SPAG16: variants seen among roughly 807,000 people sequenced by gnomAD.
The protein encoded by SPAG16 is sperm associated antigen 16.
Under a neutral mutation model 80.4 loss-of-function variants are expected in SPAG16, and 86 were observed. The observed-to-expected ratio is 1.07, with a 90% confidence interval of 0.90 to 1.28. The LOEUF (loss-of-function observed/expected upper bound fraction) is 1.28. Among genes scored for constraint, SPAG16 ranks in the 50% most tolerant of loss-of-function variants. The pLI, the probability that SPAG16 is intolerant of heterozygous loss-of-function variation, is 0.00. For missense variants in SPAG16, 870 were observed against 765.3 expected, an observed-to-expected ratio of 1.14 and a Z score of -1.61; for synonymous variants, 294 against 265.9, an observed-to-expected ratio of 1.11 and a Z score of -1.03.
At chr2:213,342,350 GTA>G (rs1238701566) in intron 6 of SPAG16, among the ~76,000 whole-genome samples, 1,531 of 44,356 alleles carry the variant, frequency 0.035, 38 homozygotes, top group African/African-American at 0.088. Context: ...TTACATATAT[GTA>G]TATATATATT....
chr2:213,809,304 C>T (rs2071971158), intron 10 of SPAG16, among the ~76,000 whole-genome samples: 1 of 152,006 alleles, frequency 6.6e-6, no homozygotes, highest in Admixed American at 6.6e-5. Flanking sequence ...TCTGATTCAC[C>T]CTGGCTAAGA....
At chr2:213,845,343 A>G (rs1030096740) in intron 10 of SPAG16, among the ~76,000 whole-genome samples, 1 of 151,878 alleles carries the variant, frequency 6.6e-6, no homozygotes, top group Admixed American at 6.6e-5. Flanking sequence ...GACTGCAGGC[A>G]TCCGCTACCA....
At chr2:214,207,917 T>TA (rs2125738140) in intron 15 of SPAG16, among the ~76,000 whole-genome samples, 1 of 152,358 alleles carries the variant, frequency 6.6e-6, no homozygotes, top group East Asian at 1.9e-4. Flanking sequence ...CTCTTGGACT[T>TA]ACACTAGTGG....
At chr2:214,219,414 T>C (rs771601707) in intron 15 of SPAG16, among the ~76,000 whole-genome samples, 3 of 152,074 alleles carry the variant, frequency 2.0e-5, no homozygotes, top group Non-Finnish European at 4.4e-5. Flanking sequence ...TAGAAACAAC[T>C]TATCAAATAG....
At chr2:213,384,551 A>G (rs1314331116) in intron 9 of SPAG16, among the ~76,000 whole-genome samples, 2 of 152,082 alleles carry the variant, frequency 1.3e-5, no homozygotes, top group African/African-American at 2.4e-5. Flanking sequence ...CAGTTTCACA[A>G]TGTCTGGGTC....
At chr2:213,916,238 T>C (rs2077960365) in intron 11 of SPAG16, among the ~76,000 whole-genome samples, 1 of 152,230 alleles carries the variant, frequency 6.6e-6, no homozygotes, top group African/African-American at 2.4e-5. Context: ...AGGGTTTTTA[T>C]GGTTTTAGGT....
intron 10 of SPAG16, among the ~76,000 whole-genome samples, chr2:213,821,764 T>G (rs1317328011): frequency 1.3e-5 from 2 of 152,180 alleles, no homozygotes; most frequent in African/African-American, 4.8e-5. Flanking sequence ...AGAGTTCAAT[T>G]ATTTTAACTT....
chr2:213,624,894 G>T (rs962969682), intron 10 of SPAG16, among the ~76,000 whole-genome samples: 1 of 152,070 alleles, frequency 6.6e-6, no homozygotes, highest in Admixed American at 6.6e-5. Context: ...AAGTTCAAGC[G>T]ATTCTACTGC....
chr2:214,020,433 T>C (rs1372429210), intron 13 of SPAG16, among the ~76,000 whole-genome samples: 3 of 152,184 alleles, frequency 2.0e-5, no homozygotes, highest in Non-Finnish European at 4.4e-5. Flanking sequence ...TTTTATAGCC[T>C]CTAATTTTGT....
intron 15 of SPAG16, among the ~76,000 whole-genome samples, chr2:214,286,873 T>A (rs1043340130): frequency 1.3e-5 from 2 of 152,248 alleles, no homozygotes; most frequent in Non-Finnish European, 2.9e-5. Flanking sequence ...CATAGTAGGC[T>A]AATGATGGAT....
intron 10 of SPAG16, among the ~76,000 whole-genome samples, chr2:213,696,529 A>G (rs535298652): frequency 6.6e-6 from 1 of 152,306 alleles, no homozygotes; most frequent in South Asian, 2.1e-4. Flanking sequence ...AAGAGGAACC[A>G]ACAAAAGAGA....
intron 15 of SPAG16, among the ~76,000 whole-genome samples, chr2:214,248,298 AT>A (rs1389743950): frequency 3.1e-5 from 3 of 97,742 alleles, no homozygotes; most frequent in Non-Finnish European, 6.5e-5. Context: ...TATTATTATT[AT>A]TATTATTATT....
chr2:213,715,378 C>T (rs2066195385), intron 10 of SPAG16, among the ~76,000 whole-genome samples: 1 of 152,048 alleles, frequency 6.6e-6, no homozygotes, highest in African/African-American at 2.4e-5. Context: ...TAAAGTACAT[C>T]ATAAAATATC....
intron 10 of SPAG16, among the ~76,000 whole-genome samples, chr2:213,634,413 G>C (rs1017042926): frequency 1.3e-5 from 2 of 151,780 alleles, no homozygotes; most frequent in Admixed American, 1.3e-4. Context: ...TTTTTTATTG[G>C]TTCATTGTTT....
At chr2:214,064,029 C>G (rs1374899755) in intron 13 of SPAG16, among the ~76,000 whole-genome samples, 1 of 152,078 alleles carries the variant, frequency 6.6e-6, no homozygotes, top group Non-Finnish European at 1.5e-5. Flanking sequence ...ATTCCAACAA[C>G]CTAGAGTCAT....
At chr2:214,117,036 G>A (rs1353721139) in intron 14 of SPAG16, among the ~76,000 whole-genome samples, 2 of 152,154 alleles carry the variant, frequency 1.3e-5, no homozygotes, top group Non-Finnish European at 2.9e-5. Flanking sequence ...TGATTTTAAA[G>A]TGACAGGGAT....
At chr2:213,440,044 G>A (rs943657081) in intron 9 of SPAG16, among the ~76,000 whole-genome samples, 12 of 152,122 alleles carry the variant, frequency 7.9e-5, no homozygotes, top group Non-Finnish European at 1.0e-4. Flanking sequence ...CTGATACTGC[G>A]TAGCTGTCAA....
intron 10 of SPAG16, among the ~76,000 whole-genome samples, chr2:213,809,149 A>G (rs901001400): frequency 6.6e-6 from 1 of 152,208 alleles, no homozygotes; most frequent in African/African-American, 2.4e-5. Flanking sequence ...AAGCATGAGA[A>G]GTGGCCTTGA....
intron 5 of SPAG16, among the ~76,000 whole-genome samples, chr2:213,322,082 ATAAAT>A (rs1219971674): frequency 1.3e-5 from 2 of 150,320 alleles, no homozygotes; most frequent in Non-Finnish European, 3.0e-5. Context: ...ATAAAAATAA[ATAAAT>A]AAATAAATAA....
Sources: allele counts gnomAD v4.1 joint callset (sites outside exome capture counted in the v4.1 genomes callset), GRCh38; gene constraint gnomAD v4.1.1; transcripts MANE v1.5; gene names NCBI Gene and HGNC (gene_info 2026-07-23, HGNC 2026-07-21).